BPTF: variants seen among roughly 807,000 people sequenced by gnomAD.
The protein encoded by BPTF is bromodomain PHD finger transcription factor, also known as nucleosome-remodeling factor subunit BPTF.
A neutral mutation model predicts 292.5 loss-of-function variants in BPTF; 18 were observed. The observed-to-expected ratio is 0.06, with a 90% CI of 0.04 to 0.09. BPTF has a LOEUF of 0.09. Among genes scored for constraint, BPTF ranks in the 10% least tolerant of loss-of-function variants. The pLI is 1.00. For missense variants in BPTF, 2,726 were observed against 3,498.7 expected, an observed-to-expected ratio of 0.78 and a Z score of 5.57; for synonymous variants, 1,225 against 1,251.9, an observed-to-expected ratio of 0.98 and a Z score of 0.45.
intron 9 of BPTF, among the ~76,000 whole-genome samples, chr17:67,905,937 T>C (rs573682369): frequency 6.6e-6 from 1 of 152,034 alleles, no homozygotes; most frequent in Non-Finnish European, 1.5e-5. Context: ...CATTAGGAGA[T>C]ATACCTAATG....
At position 67,918,808 on chromosome 17, in the gene BPTF, G is replaced by T. The variant is rs142531732; in HGVS notation, c.5398G>T (p.Ala1800Ser). 26 of 1,613,544 alleles carry T rather than the reference G, an allele frequency of 1.6e-5. No homozygotes were observed. The highest frequency in any genetic ancestry group is 1.6e-4 in the Middle Eastern group (1 of 6,080). ...GAGATGGGATGATATGGCGGCCAAG[G>T]CTCCTCCAGGAGGAGGGACTACACG... ...SLRWDDMAAKAPPGGGTTRTE... is the reference protein window; with the variant it reads ...SLRWDDMAAKSPPGGGTTRTE... The change falls in exon 12 of 28, where the codon GCT becomes TCT. Residue 1800 changes from alanine (A) to serine (S), a missense_variant. By Grantham distance (99) the Ala-to-Ser change is moderately conservative (BLOSUM62 1). Coordinates refer to ENST00000306378, the MANE Select transcript of BPTF (RefSeq NM_182641.4).
rs1424044194 is a variant in BPTF at position 67,874,740 on chromosome 17, T to C, written c.1661-77T>C. The C allele has an allele frequency of 3.2e-6, 3 of 944,304 alleles. No homozygotes were observed. In the East Asian group the frequency reaches 7.3e-5, roughly 23 times the overall value. The allele number at this position is 944,304 out of a possible 1,614,324, so 58.5% of individuals were successfully genotyped here. A position where few individuals can be genotyped will look rare whatever the true frequency, so the allele number is the denominator to read the frequency against. On this transcript the variant is annotated intron_variant, in intron 3 of 27. Transcript: ENST00000306378. ...CCTCTTTAATAGCTTGTATTGAAAC[T>C]CGTAAGTGACATTTGTGGTACTGTT... is the stretch of plus-strand genomic sequence containing the variant.
chr17:67,927,431 A>G (rs2064010720), intron 15 of BPTF, among the ~76,000 whole-genome samples: 1 of 152,242 alleles, frequency 6.6e-6, no homozygotes, highest in South Asian at 2.1e-4. Context: ...ACTACTCTGT[A>G]TAGTATAAAG....
intron 7 of BPTF, among the ~76,000 whole-genome samples, chr17:67,901,027 A>G (rs1315085990): frequency 1.3e-5 from 2 of 152,032 alleles, no homozygotes; most frequent in Non-Finnish European, 2.9e-5. Flanking sequence ...TTTAAAAAAA[A>G]AGAAAAGAAA....
chr17:67,972,312 T>C (rs2068852083), intron 26 of BPTF, among the ~76,000 whole-genome samples: 2 of 152,162 alleles, frequency 1.3e-5, no homozygotes, highest in Non-Finnish European at 2.9e-5. Context: ...CTTGAATCAC[T>C]GCAACCTCTG....
intron 4 of BPTF, among the ~76,000 whole-genome samples, chr17:67,888,588 T>TC (rs2060896482): frequency 1.6e-5 from 1 of 63,286 alleles, no homozygotes; most frequent in Non-Finnish European, 2.6e-5. Context: ...AGACTCCGTC[T>TC]CAAAAAAAAA....
At chr17:67,877,049 A>G (rs2060093223) in intron 4 of BPTF, among the ~76,000 whole-genome samples, 1 of 152,208 alleles carries the variant, frequency 6.6e-6, no homozygotes, top group Non-Finnish European at 1.5e-5. Flanking sequence ...AACAATGATC[A>G]AACATGAAAA....
chr17:67,881,855 T>TCTG (rs2060433793), intron 4 of BPTF, among the ~76,000 whole-genome samples: 12 of 24,310 alleles, frequency 4.9e-4, no homozygotes, highest in African/African-American at 2.3e-3. Context: ...ATTTTGGGTT[T>TCTG]TTGTTTTTTT....
intron 25 of BPTF, chr17:67,966,267 C>A: frequency 3.8e-6 from 1 of 264,804 alleles, no homozygotes; most frequent in South Asian, 4.6e-5. Context: ...TTGACAGAAG[C>A]GATTGCAATG....
intron 4 of BPTF, among the ~76,000 whole-genome samples, chr17:67,880,441 G>C (rs2060325438): frequency 6.6e-6 from 1 of 152,040 alleles, no homozygotes. Context: ...TCTATGTCCT[G>C]CTATAGCTAC....
At chr17:67,969,563 TC>T (rs879994355) in intron 26 of BPTF, among the ~76,000 whole-genome samples, 14 of 5,640 alleles carry the variant, frequency 2.5e-3, no homozygotes, top group South Asian at 0.14. Flanking sequence ...ATGTAAATCT[TC>T]TTCGAAAACC....
At chr17:67,935,490 A>C (rs764224641) in intron 18 of BPTF, among the ~76,000 whole-genome samples, 1 of 152,200 alleles carries the variant, frequency 6.6e-6, no homozygotes, top group African/African-American at 2.4e-5. Context: ...AATAATTACA[A>C]AACAGAAAAG....
At chr17:67,970,490 G>T (rs1323673025) in intron 26 of BPTF, among the ~76,000 whole-genome samples, 1 of 152,090 alleles carries the variant, frequency 6.6e-6, no homozygotes, top group East Asian at 1.9e-4. Flanking sequence ...TAATAATATA[G>T]ATCTCTAAAA....
intron 23 of BPTF, among the ~76,000 whole-genome samples, chr17:67,952,167 G>T (rs1425085895): frequency 2.0e-5 from 3 of 150,592 alleles, no homozygotes; most frequent in African/African-American, 7.3e-5. Flanking sequence ...ATATGTATAT[G>T]TACTGGCATA....
chr17:67,889,128 G>C (rs778851101), intron 4 of BPTF, among the ~76,000 whole-genome samples: 1 of 152,154 alleles, frequency 6.6e-6, no homozygotes. Context: ...GGCTGATGTA[G>C]ATCTGTAGCC....
At chr17:67,827,572 G>A (rs1476899510) in intron 1 of BPTF, among the ~76,000 whole-genome samples, 1 of 152,134 alleles carries the variant, frequency 6.6e-6, no homozygotes, top group East Asian at 1.9e-4. Flanking sequence ...AAAAAATAAA[G>A]TTTATGAGAA....
At chr17:67,844,143 G>A (rs2057829608) in intron 1 of BPTF, among the ~76,000 whole-genome samples, 1 of 127,658 alleles carries the variant, frequency 7.8e-6, no homozygotes, top group Admixed American at 8.7e-5. Flanking sequence ...GCAGTGGCAT[G>A]ATCTCAGCTC....
chr17:67,904,648 T>C, intron 8 of BPTF, 54 bp from the exon 9 acceptor site: 9 of 1,350,470 alleles, frequency 6.7e-6, no homozygotes, highest in Non-Finnish European at 9.1e-6. Flanking sequence ...CCACATGTGG[T>C]TTATAAGCAT....
intron 24 of BPTF, among the ~76,000 whole-genome samples, chr17:67,962,130 GAGACAAAAGAAAAAA>G (rs2067569994): frequency 1.2e-5 from 1 of 85,934 alleles, no homozygotes; most frequent in Non-Finnish European, 3.5e-5. Flanking sequence ...GCTATACAGC[GAGACAAAAGAAAAAA>G]AGAAAAAAGT....
Sources: allele counts gnomAD v4.1 joint callset (sites outside exome capture counted in the v4.1 genomes callset), GRCh38; gene constraint gnomAD v4.1.1; transcripts MANE v1.5; gene names NCBI Gene and HGNC (gene_info 2026-07-23, HGNC 2026-07-21).